The following WWOX variants were observed in gnomAD, a reference collection of about 807,000 sequenced individuals.
WWOX encodes WW domain-containing oxidoreductase.
In WWOX, 69 loss-of-function variants were observed where a neutral mutation model predicts 46.2. The ratio of observed to expected loss-of-function variants is 1.49; its 90% confidence interval spans 1.23 to 1.82. WWOX has a LOEUF of 1.82. Among genes scored for constraint, WWOX ranks in the 40% most tolerant of loss-of-function variants. The pLI is 0.00. For missense variants in WWOX, 919 were observed against 542.6 expected, an observed-to-expected ratio of 1.69 and a Z score of -6.89; for synonymous variants, 359 against 202.6, an observed-to-expected ratio of 1.77 and a Z score of -6.56.
chr16:79,041,230 C>T (rs1033566515), intron 8 of WWOX, among the ~76,000 whole-genome samples: 5 of 152,138 alleles, frequency 3.3e-5, no homozygotes, highest in African/African-American at 7.2e-5. Flanking sequence ...TCTTTGCACT[C>T]GTGTGATGTC....
chr16:78,683,305 G>C (rs1213373961), intron 8 of WWOX, among the ~76,000 whole-genome samples: 2 of 120,064 alleles, frequency 1.7e-5, no homozygotes, highest in African/African-American at 5.8e-5. Flanking sequence ...GAGCTCAGGA[G>C]GGCGGGTGGA....
chr16:78,214,479 C>T (rs1055853854), intron 5 of WWOX, among the ~76,000 whole-genome samples: 2 of 152,158 alleles, frequency 1.3e-5, no homozygotes, highest in African/African-American at 4.8e-5. Flanking sequence ...GCACTCCCAC[C>T]CCTGTCATCC....
intron 8 of WWOX, among the ~76,000 whole-genome samples, chr16:79,102,003 C>T (rs1212768144): frequency 7.2e-6 from 1 of 139,472 alleles, no homozygotes; most frequent in African/African-American, 2.7e-5. Flanking sequence ...TTCCTCCTCC[C>T]AGCAGATGAA....
chr16:78,290,867 TTA>T (rs1328685157), intron 5 of WWOX, among the ~76,000 whole-genome samples: 1 of 152,216 alleles, frequency 6.6e-6, no homozygotes, highest in Non-Finnish European at 1.5e-5. Flanking sequence ...TAGGAGAAAG[TTA>T]TGAGAAGGCT....
chr16:78,358,711 A>G (rs998443946), intron 5 of WWOX, among the ~76,000 whole-genome samples: 1 of 152,114 alleles, frequency 6.6e-6, no homozygotes, highest in African/African-American at 2.4e-5. Context: ...CATGAATTAT[A>G]TACAAATGAG....
chr16:78,983,339 G>C (rs1036568913), intron 8 of WWOX, among the ~76,000 whole-genome samples: 14 of 152,190 alleles, frequency 9.2e-5, no homozygotes, highest in African/African-American at 2.9e-4. Flanking sequence ...CTGGTCTCAC[G>C]CTTCTTCCGT....
intron 8 of WWOX, among the ~76,000 whole-genome samples, chr16:78,435,810 C>G (rs1015944377): frequency 6.6e-6 from 1 of 152,118 alleles, no homozygotes; most frequent in African/African-American, 2.4e-5. Flanking sequence ...CTTTCTGAGC[C>G]TGTCTCATTA....
At chr16:79,039,382 G>A (rs1423170251) in intron 8 of WWOX, among the ~76,000 whole-genome samples, 4 of 152,082 alleles carry the variant, frequency 2.6e-5, no homozygotes, top group Admixed American at 6.5e-5. Context: ...GGCCGAAAAC[G>A]ACCCCCTTCC....
intron 8 of WWOX, among the ~76,000 whole-genome samples, chr16:78,792,123 C>T (rs541278111): frequency 1.3e-5 from 2 of 152,246 alleles, no homozygotes; most frequent in African/African-American, 2.4e-5. Flanking sequence ...CGCAGGCTTG[C>T]TGCATCACAA....
intron 4 of WWOX, among the ~76,000 whole-genome samples, chr16:78,137,431 A>C (rs1024495746): frequency 1.3e-5 from 2 of 152,186 alleles, no homozygotes; most frequent in African/African-American, 4.8e-5. Context: ...AGTTGTGAGA[A>C]TTCGACAAGG....
chr16:78,482,634 G>T (rs1413210534), intron 8 of WWOX, among the ~76,000 whole-genome samples: 2 of 152,152 alleles, frequency 1.3e-5, no homozygotes, highest in African/African-American at 4.8e-5. Context: ...CTATGAAGTG[G>T]CTACTATAAT....
intron 4 of WWOX, among the ~76,000 whole-genome samples, chr16:78,157,389 G>T (rs2034642488): frequency 6.6e-6 from 1 of 152,120 alleles, no homozygotes; most frequent in Admixed American, 6.5e-5. Flanking sequence ...GGTGTCTTTT[G>T]CTCACTGGTG....
At chr16:78,987,910 G>A (rs1019689444) in intron 8 of WWOX, among the ~76,000 whole-genome samples, 44 of 152,220 alleles carry the variant, frequency 2.9e-4, no homozygotes, top group Non-Finnish European at 5.9e-5. Context: ...CACAGGTCTC[G>A]TCATGTCCCT....
intron 8 of WWOX, among the ~76,000 whole-genome samples, chr16:78,515,361 G>T (rs143083780): frequency 4.1e-4 from 63 of 152,126 alleles, no homozygotes; most frequent in African/African-American, 1.4e-3. Flanking sequence ...CAGACTCTGC[G>T]TACAGCTAAG....
chr16:78,797,713 T>A (rs1055318440), intron 8 of WWOX, among the ~76,000 whole-genome samples: 4 of 152,130 alleles, frequency 2.6e-5, no homozygotes, highest in Non-Finnish European at 4.4e-5. Flanking sequence ...GGAGGCCAGG[T>A]GCGTTAGGTC....
At chr16:79,019,716 G>T (rs992609406) in intron 8 of WWOX, among the ~76,000 whole-genome samples, 7 of 151,968 alleles carry the variant, frequency 4.6e-5, no homozygotes, top group Non-Finnish European at 7.4e-5. Context: ...GCACACTGAG[G>T]GGCAGACCTC....
At chr16:78,439,967 C>T (rs570521986) in intron 8 of WWOX, among the ~76,000 whole-genome samples, 56 of 152,332 alleles carry the variant, frequency 3.7e-4, no homozygotes, top group African/African-American at 1.3e-3. Context: ...TGCTTCAGAA[C>T]TGTCCTCCTG....
At chr16:79,119,439 C>T (rs943759199) in intron 8 of WWOX, among the ~76,000 whole-genome samples, 2 of 152,166 alleles carry the variant, frequency 1.3e-5, no homozygotes, top group Admixed American at 6.5e-5. Flanking sequence ...ATTGTGTCCT[C>T]CCTCAAAATC....
chr16:78,414,977 A>G (rs2082765838), intron 6 of WWOX, among the ~76,000 whole-genome samples: 1 of 151,986 alleles, frequency 6.6e-6, no homozygotes, highest in African/African-American at 2.4e-5. Context: ...AGAAAGTAAA[A>G]GAATAAAAGA....
Sources: gnomAD v4.1 joint callset for allele counts (sites outside exome capture counted in the v4.1 genomes callset) on GRCh38, gnomAD v4.1.1 for gene constraint, MANE v1.5 for transcripts, NCBI Gene and HGNC (gene_info 2026-07-23, HGNC 2026-07-21) for gene names.